TXNDC11: variants seen among roughly 807,000 people sequenced by gnomAD.
TXNDC11 encodes thioredoxin domain-containing protein 11.
TXNDC11 carries 68 observed loss-of-function variants against 78.0 expected under a neutral mutation model. That is an observed-to-expected ratio of 0.87 (90% CI 0.72 to 1.07). The LOEUF (loss-of-function observed/expected upper bound fraction) is 1.07. TXNDC11 is among the 50% of genes least tolerant of loss of function. TXNDC11 has a pLI of 0.00. For missense variants in TXNDC11, 1,389 were observed against 1,221.8 expected, an observed-to-expected ratio of 1.14 and a Z score of -2.04; for synonymous variants, 571 against 495.2, an observed-to-expected ratio of 1.15 and a Z score of -2.03.
intron 5 of TXNDC11, among the ~76,000 whole-genome samples, chr16:11,705,272 G>A (rs1052140891): frequency 1.3e-5 from 2 of 152,166 alleles, no homozygotes; most frequent in African/African-American, 2.4e-5. Context: ...GGGGGAAACT[G>A]GCTAAAGACA....
chr16:11,686,456 T>C (rs2050569984), intron 10 of TXNDC11, among the ~76,000 whole-genome samples: 1 of 152,254 alleles, frequency 6.6e-6, no homozygotes, highest in Non-Finnish European at 1.5e-5. Context: ...CCTATTCCAT[T>C]ACTTCTCCAA....
At chr16:11,703,589 A>C (rs2051096130) in intron 5 of TXNDC11, 2 of 670,672 alleles carry the variant, frequency 3.0e-6, no homozygotes, top group South Asian at 3.1e-5. Context: ...ATATATGCAC[A>C]TGTGTGGGTA....
At chr16:11,720,779 G>A (rs1567336055) in intron 5 of TXNDC11, among the ~76,000 whole-genome samples, 1 of 151,292 alleles carries the variant, frequency 6.6e-6, no homozygotes, top group South Asian at 2.1e-4. Flanking sequence ...TGTCCCCCAG[G>A]CTGGAGTGCA....
intron 5 of TXNDC11, among the ~76,000 whole-genome samples, chr16:11,707,938 G>T (rs781676514): frequency 6.6e-6 from 1 of 151,604 alleles, no homozygotes; most frequent in African/African-American, 2.4e-5. Flanking sequence ...TTAAAAATTC[G>T]CTGAGCGTGA....
At chr16:11,715,256 G>C (rs939882476) in intron 5 of TXNDC11, among the ~76,000 whole-genome samples, 1 of 152,176 alleles carries the variant, frequency 6.6e-6, no homozygotes, top group Non-Finnish European at 1.5e-5. Context: ...AAATAGTTTA[G>C]TGTATTTCCA....
Position 11,698,176 on chromosome 16 carries a change from A to C in TXNDC11, c.1056T>G (p.Phe352Leu), listed in dbSNP as rs2050909582. 6.2e-7 allele frequency: 1 copy of C among 1,614,234 alleles called. No homozygotes were observed. Among genetic ancestry groups the C allele is most frequent in the Non-Finnish European group, 8.5e-7 (1 of 1,180,042 alleles). The change falls in exon 7 of 12, where the codon TTT becomes TTG. Residue 352 changes from phenylalanine (F) to leucine (L), a missense_variant. By Grantham distance (22) the Phe-to-Leu change is conservative (BLOSUM62 0). Coordinates refer to ENST00000283033, the MANE Select transcript of TXNDC11 (RefSeq NM_015914.7). Reference protein sequence around the residue: ...NNELKKGPALFLFIPFNPLAE... With the variant: ...NNELKKGPALLLFIPFNPLAE... ...CCAGGGGATTAAAAGGTATGAACAG[A>C]AACAGCGCTGGTCCTTTCTTCAGCT...
intron 5 of TXNDC11, among the ~76,000 whole-genome samples, chr16:11,718,165 T>G (rs553449397): frequency 1.1e-4 from 16 of 152,232 alleles, no homozygotes; most frequent in African/African-American, 3.9e-4. Flanking sequence ...AGCCCTGTGA[T>G]GCTTCAGACA....
At chr16:11,687,737 G>A in intron 10 of TXNDC11, 120 bp downstream of exon 10, 1 of 687,088 alleles carries the variant, frequency 1.5e-6, no homozygotes, top group Non-Finnish European at 2.6e-6. Context: ...ATTAAATTCA[G>A]CCAAGTCCTA....
intron 8 of TXNDC11, among the ~76,000 whole-genome samples, chr16:11,690,352 A>G (rs1355726174): frequency 6.6e-6 from 1 of 152,176 alleles, no homozygotes; most frequent in African/African-American, 2.4e-5. Context: ...TACTCCTCAA[A>G]AAGTGGGTTT....
chr16:11,703,568 G>A (rs1245614671), intron 5 of TXNDC11: 2 of 621,604 alleles, frequency 3.2e-6, no homozygotes, highest in African/African-American at 1.8e-5. Flanking sequence ...GGGATGGATA[G>A]AGAAATACAG....
chr16:11,680,510 C>G (rs1431544635), intron 11 of TXNDC11, among the ~76,000 whole-genome samples: 2 of 152,166 alleles, frequency 1.3e-5, no homozygotes, highest in Non-Finnish European at 2.9e-5. Flanking sequence ...GGGGTTTTCC[C>G]TACAGCTTTG....
At position 11,679,371 on chromosome 16, in the gene TXNDC11, T is replaced by C. The variant is rs1389173269; in HGVS notation, c.2701A>G (p.Met901Val). 6.2e-7 allele frequency: 1 copy of C among 1,611,406 alleles called. No homozygotes were observed. The highest frequency in any genetic ancestry group is 8.5e-7 in the Non-Finnish European group (1 of 1,178,898). The change falls in exon 12 of 12, where the codon ATG becomes GTG. Residue 901 changes from methionine (M) to valine (V), a missense_variant. By Grantham distance (21) the Met-to-Val change is conservative. Coordinates refer to ENST00000283033, the MANE Select transcript of TXNDC11 (RefSeq NM_015914.7). This position sits in a 1 kb window ranked among gnomAD's most constrained non-coding sequence, Gnocchi z 4.6. ...NTWLKILVAT[M>V]ERKLEGRDGA... is the part of the protein sequence containing the mutation. ...TCCCTGCCCTCCAGTTTCCTCTCCA[T>C]GGTCGCCACCAGGATCTTGAGCCAC...
intron 4 of TXNDC11, among the ~76,000 whole-genome samples, chr16:11,729,764 C>A (rs2141109306): frequency 6.6e-6 from 1 of 152,300 alleles, no homozygotes; most frequent in Non-Finnish European, 1.5e-5. Context: ...AATCCCAATA[C>A]TGGCCTCACA....
At chr16:11,703,736 A>C (rs1484813993) in intron 5 of TXNDC11, 4 of 701,644 alleles carry the variant, frequency 5.7e-6, no homozygotes, top group Admixed American at 4.0e-5. Context: ...CTTGGAGAAG[A>C]GGTTGATTCC....
chr16:11,716,852 A>C (rs1428094210), intron 5 of TXNDC11, among the ~76,000 whole-genome samples: 6 of 152,182 alleles, frequency 3.9e-5, no homozygotes, highest in Admixed American at 1.3e-4. Flanking sequence ...GATTATGTTT[A>C]CTCAGACAAA....
chr16:11,741,624 C>T (rs1274413081), intron 1 of TXNDC11, among the ~76,000 whole-genome samples: 1 of 152,236 alleles, frequency 6.6e-6, no homozygotes, highest in Non-Finnish European at 1.5e-5. Context: ...TTTCTATGCC[C>T]TGCATAGCAC....
chr16:11,713,105 C>T lies in TXNDC11; in HGVS notation c.793+8472G>A, dbSNP rs1473826190. Among the ~76,000 whole-genome samples the T allele has an allele frequency of 5.4e-5, 5 of 93,448 alleles. No homozygotes were observed. The East Asian group carries it at 1.6e-3, about 30-fold the overall frequency. The allele number at this position is 93,448 out of a possible 152,430, so 61.3% of individuals were successfully genotyped here. On this transcript the variant is annotated intron_variant, in intron 5 of 11. Coordinates refer to ENST00000283033, the MANE Select transcript of TXNDC11 (RefSeq NM_015914.7). ...CTGGGCAACAAGAGTGAAACTCTGT[C>T]TCAGGAAAAAAAAAAAAAAAAAAAA...
chr16:11,708,049 A>G (rs554858487), intron 5 of TXNDC11, among the ~76,000 whole-genome samples: 4 of 152,180 alleles, frequency 2.6e-5, no homozygotes, highest in Non-Finnish European at 5.9e-5. Context: ...GCACCACTGC[A>G]CTCCAGCCTG....
Position 11,691,982 on chromosome 16 carries a change from G to T in TXNDC11, c.1208C>A (p.Ser403Tyr). The T allele has an allele frequency of 6.2e-7, 1 of 1,600,494 alleles. No individual in the cohort carries two copies. Among genetic ancestry groups the T allele is most frequent in the Non-Finnish European group, 8.5e-7 (1 of 1,172,118 alleles). Residue 403 changes from serine (S) to tyrosine (Y), a missense_variant, in exon 8 of 12, where the codon TCC becomes TAC. Physicochemically the swap from Ser to Tyr is moderately radical, Grantham distance 144. Transcript: ENST00000283033. ...LRRVDAPVLE[S>Y]LALEVPAQLP... The stretch of plus-strand genomic sequence containing the variant: ...CTGTGCCGGCACTTCCAGGGCCAGG[G>T]ACTCCAGCACTGGAGCATCCACCCG...
Sources: allele counts gnomAD v4.1 joint callset (sites outside exome capture counted in the v4.1 genomes callset), GRCh38; gene constraint gnomAD v4.1.1; non-coding constraint Gnocchi (gnomAD v3.1); transcripts MANE v1.5; gene names NCBI Gene and HGNC (gene_info 2026-07-23, HGNC 2026-07-21).